The following DPF3 variants were observed in gnomAD, a reference collection of about 807,000 sequenced individuals.
The protein encoded by DPF3 is zinc finger protein DPF3.
DPF3 carries 18 observed loss-of-function variants against 56.8 expected under a neutral mutation model. That is an observed-to-expected ratio of 0.32 (90% CI 0.22 to 0.47). The LOEUF (loss-of-function observed/expected upper bound fraction) is 0.47. DPF3 is among the 20% of genes least tolerant of loss of function. DPF3 has a pLI of 1.00. For missense variants in DPF3, 403 were observed against 488.8 expected (o/e 0.82, Z 1.65); for synonymous variants, 188 against 180.2 (o/e 1.04, Z -0.35).
In DPF3 at chr14:72,635,262, T is replaced by C. The variant is rs150205484; in HGVS notation, c.872-5526A>G. Among the ~76,000 whole-genome samples, 147 of 152,236 alleles carry C rather than the reference T, an allele frequency of 9.7e-4. 1 individual carries two copies. Among genetic ancestry groups the C allele is most frequent in the African/African-American group, 3.4e-3 (141 of 41,542 alleles). On this transcript the variant is annotated intron_variant, in intron 8 of 10. Transcript: ENST00000556509. Reference sequence around the variant, plus strand: ...GGTTATGGGAAACTTCTCAGACAGATGATAATCCATGAGGCTGGGAGTACC... The same window carrying C: ...GGTTATGGGAAACTTCTCAGACAGACGATAATCCATGAGGCTGGGAGTACC...
At position 72,822,039 on chromosome 14, in the gene DPF3, T is replaced by C. The variant is rs545768394; in HGVS notation, c.33-50146A>G. ...AGAGGTGAAATTAAATAAATCATGG[T>C]ATGTCCACACAATGAAATGCTATGC... On this transcript the variant is annotated intron_variant, in intron 1 of 10. Transcript: ENST00000556509. Among the ~76,000 whole-genome samples the C allele has an allele frequency of 3.3e-5, 5 of 152,056 alleles. No homozygotes were observed. The South Asian group carries it at 1.0e-3, about 32-fold the overall frequency.
chr14:72,707,556 G>C (rs1429880216), intron 6 of DPF3, among the ~76,000 whole-genome samples: 1 of 152,178 alleles, frequency 6.6e-6, no homozygotes, highest in Non-Finnish European at 1.5e-5. Context: ...ACACTATATA[G>C]CCCTAAAAAC....
At chr14:72,728,735 C>A (rs1320336543) in intron 4 of DPF3, among the ~76,000 whole-genome samples, 1 of 151,998 alleles carries the variant, frequency 6.6e-6, no homozygotes, top group African/African-American at 2.4e-5. Flanking sequence ...GAGATATAAG[C>A]AAGCAAAACT....
intron 1 of DPF3, among the ~76,000 whole-genome samples, chr14:72,883,631 T>C (rs1700864032): frequency 1.3e-5 from 2 of 152,192 alleles, no homozygotes; most frequent in Non-Finnish European, 2.9e-5. Context: ...TGGTCTACTT[T>C]TCTATAAAGA....
At position 72,619,910 on chromosome 14, in the gene DPF3, G is replaced by T; in HGVS notation, c.1059C>A (p.Pro353=). The part of the protein sequence containing the change: ...MYCLNPPVAE[P]PEGSWSCHLC... ...TGACTTCATCATCATTACCTTCTGG[G>T]GGCTCAGCCACCGGGGGATTTAAAC... is the stretch of plus-strand genomic sequence containing the variant. Residue 353 remains proline, a synonymous_variant, in exon 10 of 11, where the codon CCC becomes CCA. Transcript: ENST00000556509. The T allele has an allele frequency of 6.5e-7, 1 of 1,532,698 alleles. No homozygotes were observed. The allele number at this position is 1,532,698 out of a possible 1,614,324, so 94.9% of individuals were successfully genotyped here.
intron 6 of DPF3, among the ~76,000 whole-genome samples, chr14:72,696,122 G>A (rs563965567): frequency 6.6e-6 from 1 of 152,222 alleles, no homozygotes; most frequent in South Asian, 2.1e-4. Context: ...CAGGCATACT[G>A]TTAGTAAGGA....
rs1489808536 is a variant in DPF3 at position 72,616,239 on chromosome 14, G to T, written c.*3058C>A. 6.6e-6 allele frequency among the ~76,000 whole-genome samples: 1 copy of T among 152,190 alleles called. No homozygotes were observed. The highest frequency in any genetic ancestry group is 1.5e-5 in the Non-Finnish European group (1 of 68,034). On this transcript the variant is annotated 3_prime_UTR_variant, in exon 11 of 11. Coordinates refer to ENST00000556509, the MANE Select transcript of DPF3 (RefSeq NM_001280542.3). ...CAGTCAGCTAGAAAGTGGCAGTGTT[G>T]GTCGGAAAGTGAGCGTTACCCATGA...
chr14:72,758,047 G>A (rs12880700), intron 2 of DPF3, among the ~76,000 whole-genome samples: 5 of 151,924 alleles, frequency 3.3e-5, no homozygotes, highest in Non-Finnish European at 7.4e-5. Context: ...TTGCCTATAC[G>A]AAAAAGAAAC....
At chr14:72,758,655 T>A (rs191566498) in intron 2 of DPF3, among the ~76,000 whole-genome samples, 154 of 152,262 alleles carry the variant, frequency 1.0e-3, no homozygotes, top group African/African-American at 3.6e-3. Context: ...GCGGAAATAG[T>A]CTGTTTCCAC....
chr14:72,812,326 G>A (rs1883086443), intron 1 of DPF3, among the ~76,000 whole-genome samples: 1 of 152,168 alleles, frequency 6.6e-6, no homozygotes, highest in East Asian at 1.9e-4. Context: ...CGAGGAGCTG[G>A]AAAGAATTCC....
chr14:72,803,023 T>C (rs370963123), intron 1 of DPF3, among the ~76,000 whole-genome samples: 2 of 152,340 alleles, frequency 1.3e-5, no homozygotes, highest in Non-Finnish European at 1.5e-5. Flanking sequence ...CCTTGTCACA[T>C]TGACAGATAA....
intron 3 of DPF3, among the ~76,000 whole-genome samples, chr14:72,745,487 A>G (rs1890289131): frequency 6.6e-6 from 1 of 152,230 alleles, no homozygotes; most frequent in Non-Finnish European, 1.5e-5. Flanking sequence ...AATATATATT[A>G]TATGCATATA....
At chr14:72,739,497 C>T (rs1890041594) in intron 3 of DPF3, among the ~76,000 whole-genome samples, 1 of 152,166 alleles carries the variant, frequency 6.6e-6, no homozygotes, top group Non-Finnish European at 1.5e-5. Context: ...CTACAGTTTC[C>T]CTCTCCTTGT....
intron 1 of DPF3, among the ~76,000 whole-genome samples, chr14:72,821,193 G>A (rs1042047960): frequency 6.6e-6 from 1 of 151,866 alleles, no homozygotes; most frequent in African/African-American, 2.4e-5. Flanking sequence ...GGAGGCTGAG[G>A]TGGGAGGCAG....
At chr14:72,838,905 A>ATATATATATATATATATATATTTTTTTTT in intron 1 of DPF3, among the ~76,000 whole-genome samples, 6 of 64,500 alleles carry the variant, frequency 9.3e-5, no homozygotes, top group Admixed American at 1.8e-4. Context: ...TATCATATAT[A>ATATATATATATATATATATATTTTTTTTT]TTCTTTTTTT....
intron 7 of DPF3, among the ~76,000 whole-genome samples, chr14:72,690,424 A>G (rs772581696): frequency 2.0e-5 from 3 of 152,210 alleles, no homozygotes; most frequent in Non-Finnish European, 4.4e-5. Context: ...CACCAAGCAC[A>G]TGGACGGACA....
chr14:72,711,120 T>C (rs1363234380), intron 6 of DPF3, among the ~76,000 whole-genome samples: 1 of 152,220 alleles, frequency 6.6e-6, no homozygotes, highest in Non-Finnish European at 1.5e-5. Flanking sequence ...CATCAGAATA[T>C]AGCTTATTAC....
At position 72,756,680 on chromosome 14, in the gene DPF3, C is replaced by T. The variant is rs570835343; in HGVS notation, c.194-3309G>A. On this transcript the variant is annotated intron_variant, in intron 2 of 10. Coordinates refer to ENST00000556509, the MANE Select transcript of DPF3 (RefSeq NM_001280542.3). ...ATACAAAAATTAGCCAGTATGGTGG[C>T]GCATGCCTGTAATCTCAGCTATTCG... Among the ~76,000 whole-genome samples the T allele has an allele frequency of 2.0e-4, 30 of 151,838 alleles. 1 individual carries two copies. The highest frequency in any genetic ancestry group is 8.3e-4 in the South Asian group (4 of 4,800).
At chr14:72,690,233 G>A (rs1458856314) in intron 7 of DPF3, among the ~76,000 whole-genome samples, 3 of 152,212 alleles carry the variant, frequency 2.0e-5, no homozygotes, top group Non-Finnish European at 4.4e-5. Flanking sequence ...GCAAGGCTGT[G>A]TGGCCTCAAG....
Sources: allele counts gnomAD v4.1 joint callset (sites outside exome capture counted in the v4.1 genomes callset), GRCh38; gene constraint gnomAD v4.1.1; transcripts MANE v1.5; gene names NCBI Gene and HGNC (gene_info 2026-07-23, HGNC 2026-07-21).